WDR7: variants seen among roughly 807,000 people sequenced by gnomAD.
WDR7 encodes WD repeat domain 7.
In WDR7, 46 loss-of-function variants were observed where a neutral mutation model predicts 169.4. The observed-to-expected ratio is 0.27, with a 90% CI of 0.21 to 0.35. The LOEUF is 0.35. WDR7 is among the 10% of genes least tolerant of loss of function. WDR7 has a pLI of 1.00. For missense variants in WDR7, 1,534 were observed against 1,859.3 expected, an observed-to-expected ratio of 0.83 and a Z score of 3.22; for synonymous variants, 612 against 666.8, an observed-to-expected ratio of 0.92 and a Z score of 1.27.
chr18:57,032,148 G>C (rs192435281), downstream of WDR7: 1 of 152,200 alleles, frequency 6.6e-6, no homozygotes, highest in African/African-American at 2.4e-5. Flanking sequence ...AAACTGGTTG[G>C]TTGTGGCTGA....
chr18:56,929,256 A>G (rs1177894770), intron 22 of WDR7, among the ~76,000 whole-genome samples: 1 of 152,120 alleles, frequency 6.6e-6, no homozygotes, highest in Non-Finnish European at 1.5e-5. Flanking sequence ...AGCCTGGGCA[A>G]CAGAGCAAGA....
At chr18:56,882,083 A>C (rs2046116435) in intron 21 of WDR7, among the ~76,000 whole-genome samples, 1 of 152,128 alleles carries the variant, frequency 6.6e-6, no homozygotes, top group Admixed American at 6.5e-5. Context: ...CAACAACTAC[A>C]TGCTTACTGG....
At chr18:56,767,371 ACT>A (rs2044084096) in intron 16 of WDR7, among the ~76,000 whole-genome samples, 1 of 151,860 alleles carries the variant, frequency 6.6e-6, no homozygotes, top group South Asian at 2.1e-4. Context: ...GTTTCCTGAG[ACT>A]CTCAGCTTTG....
At chr18:56,971,281 CAAA>C (rs35114589) in intron 26 of WDR7, among the ~76,000 whole-genome samples, 7 of 102,970 alleles carry the variant, frequency 6.8e-5, no homozygotes, top group Non-Finnish European at 6.3e-5. Context: ...TTCTGTCTCC[CAAA>C]AAAAAAAAAA....
intron 19 of WDR7, among the ~76,000 whole-genome samples, chr18:56,794,302 C>CTATTTTTTT: frequency 3.4e-5 from 1 of 29,466 alleles, no homozygotes; most frequent in Non-Finnish European, 9.1e-5. Flanking sequence ...AAGGTAAAGT[C>CTATTTTTTT]TATTTTTTTT....
chr18:56,841,902 C>CT (rs1400748263), intron 20 of WDR7, among the ~76,000 whole-genome samples: 2 of 152,098 alleles, frequency 1.3e-5, no homozygotes, highest in Non-Finnish European at 2.9e-5. Flanking sequence ...ACTTTTCCTA[C>CT]TTTTTTAATA....
At chr18:56,708,973 A>T (rs573468029) in intron 12 of WDR7, among the ~76,000 whole-genome samples, 138 of 152,158 alleles carry the variant, frequency 9.1e-4, no homozygotes, top group Non-Finnish European at 1.5e-3. Context: ...ACAAAACTTT[A>T]TAATTTTAGA....
At chr18:56,996,909 C>T (rs748573675) in intron 26 of WDR7, among the ~76,000 whole-genome samples, 7 of 151,880 alleles carry the variant, frequency 4.6e-5, no homozygotes, top group Admixed American at 2.0e-4. Flanking sequence ...AGTAGAAAAA[C>T]GCACATGATA....
At chr18:56,925,915 G>C (rs1469280128) in intron 22 of WDR7, among the ~76,000 whole-genome samples, 1 of 152,012 alleles carries the variant, frequency 6.6e-6, no homozygotes, top group East Asian at 1.9e-4. Flanking sequence ...CTACAAGTTG[G>C]GGCTAATTAA....
At chr18:56,953,805 T>A (rs1170078400) in intron 25 of WDR7, among the ~76,000 whole-genome samples, 1 of 152,234 alleles carries the variant, frequency 6.6e-6, no homozygotes, top group Non-Finnish European at 1.5e-5. Flanking sequence ...CAGGCAGATA[T>A]ATCCTTCTGA....
chr18:56,879,808 G>A (rs984804472), intron 20 of WDR7, 136 bp from the exon 21 acceptor site: 121 of 649,476 alleles, frequency 1.9e-4, no homozygotes, highest in Non-Finnish European at 2.9e-4. Flanking sequence ...TTTTGCCTGT[G>A]AGTAACCATT....
At chr18:56,901,730 A>T (rs1404276867) in intron 21 of WDR7, among the ~76,000 whole-genome samples, 1 of 152,086 alleles carries the variant, frequency 6.6e-6, no homozygotes, top group Non-Finnish European at 1.5e-5. Context: ...CAGACTGAAG[A>T]AATGGTCCCT....
chr18:56,930,329 G>A (rs1285901079), intron 22 of WDR7, among the ~76,000 whole-genome samples: 1 of 152,172 alleles, frequency 6.6e-6, no homozygotes, highest in African/African-American at 2.4e-5. Flanking sequence ...GGGGTGAGGA[G>A]TGGAGACAGA....
chr18:56,688,311 C>T (rs77730755), intron 7 of WDR7, among the ~76,000 whole-genome samples: 1,848 of 152,186 alleles, frequency 0.012, 52 homozygotes, highest in African/African-American at 0.043. Flanking sequence ...TTAACCTTAT[C>T]GTTGTCACTT....
chr18:56,939,059 T>G (rs1421174708), intron 24 of WDR7, among the ~76,000 whole-genome samples: 2 of 152,170 alleles, frequency 1.3e-5, no homozygotes, highest in East Asian at 3.8e-4. Context: ...TGTACATAAA[T>G]ATGAATTGAC....
intron 14 of WDR7, among the ~76,000 whole-genome samples, chr18:56,734,285 G>T (rs1055402697): frequency 3.3e-5 from 5 of 151,898 alleles, no homozygotes; most frequent in South Asian, 4.2e-4. Context: ...CGTTCCTTTT[G>T]ACTGTAGACC....
rs923428046 is a variant in WDR7 at position 56,963,368 on chromosome 18, A to G, written c.4164+839A>G. Among the ~76,000 whole-genome samples, 2 of 152,188 alleles carry G rather than the reference A, an allele frequency of 1.3e-5. 1 individual carries two copies. The highest frequency in any genetic ancestry group is 2.9e-5 in the Non-Finnish European group (2 of 68,034). ...CCATATTATCGTATTAGGAATTTCC[A>G]GAAGGATAGGAAGAAATTCATAAGG... On this transcript the variant is annotated intron_variant, in intron 26 of 27. Coordinates refer to ENST00000254442, the MANE Select transcript of WDR7 (RefSeq NM_015285.3).
chr18:56,947,318 G>A (rs1178991232), intron 25 of WDR7, among the ~76,000 whole-genome samples: 2 of 152,146 alleles, frequency 1.3e-5, no homozygotes, highest in Non-Finnish European at 2.9e-5. Context: ...TCCCAGCTGG[G>A]CCTTGGCTTT....
chr18:56,725,428 T>A (rs963427232), intron 13 of WDR7, among the ~76,000 whole-genome samples: 8 of 152,016 alleles, frequency 5.3e-5, no homozygotes, highest in Non-Finnish European at 1.2e-4. Flanking sequence ...TTTTCATGTG[T>A]CTGTTGGCTG....
Sources: gnomAD v4.1 joint callset for allele counts (sites outside exome capture counted in the v4.1 genomes callset) on GRCh38, gnomAD v4.1.1 for gene constraint, MANE v1.5 for transcripts, NCBI Gene and HGNC (gene_info 2026-07-23, HGNC 2026-07-21) for gene names.